MELTF: variants seen among roughly 807,000 people sequenced by gnomAD.
MELTF encodes the protein antigen p97 (melanoma associated) identified by monoclonal antibodies 133.2 and 96.5.
A neutral mutation model predicts 83.7 loss-of-function variants in MELTF; 67 were observed. That is an observed-to-expected ratio of 0.80 (90% CI 0.66 to 0.98). The LOEUF (loss-of-function observed/expected upper bound fraction) is 0.98, where lower values mean the gene tolerates loss of function less well. MELTF is among the 50% of genes least tolerant of loss of function. The probability of loss-of-function intolerance (pLI) is 0.00; values close to 1 mark genes in which losing one functional copy is unlikely to be tolerated. For missense variants in MELTF, 1,002 were observed against 1,035.6 expected (o/e 0.97, Z 0.44); for synonymous variants, 462 against 447.6 (o/e 1.03, Z -0.41).
chr3:197,013,802 AT>A lies in MELTF; in HGVS notation c.1233+1562del, dbSNP rs536123119. Among the ~76,000 whole-genome samples the A allele has an allele frequency of 9.8e-5, 15 of 152,368 alleles. 1 individual carries two copies. Among genetic ancestry groups the A allele is most frequent in the African/African-American group, 3.6e-4 (15 of 41,586 alleles). ...ATGCAAATCAAAGCCACAGTGAGGT[AT>A]CAGCTCACCCCAGTTAGGGTGGCTG... On this transcript the variant is annotated intron_variant, in intron 9 of 15. Transcript: ENST00000296350.
intron 6 of MELTF, among the ~76,000 whole-genome samples, chr3:197,017,638 G>A (rs950278079): frequency 1.3e-5 from 2 of 152,246 alleles, no homozygotes; most frequent in Admixed American, 6.5e-5. Flanking sequence ...AGCACTTTGG[G>A]AGGCCGAGGT....
chr3:197,004,293 C>T, intron 14 of MELTF, 194 bp from the exon 15 acceptor site: 2 of 617,286 alleles, frequency 3.2e-6, no homozygotes, highest in Non-Finnish European at 5.7e-6. Flanking sequence ...TGTGGGGACA[C>T]TAGGCCCGCA....
intron 3 of MELTF, chr3:197,025,620 C>T (rs1719821708): frequency 6.6e-6 from 1 of 152,304 alleles, no homozygotes; most frequent in African/African-American, 2.4e-5. Context: ...TGCTTATGAC[C>T]AGCGGGTAGC....
rs377676889 is a variant in MELTF at position 197,004,110 on chromosome 3, C to T, written c.1939-11G>A. ...GTCTCCAAACAGGTCCTGGAAGCAC[C>T]GCAGGCAGACGACCTGCTCCTCACT... On this transcript the variant is annotated splice_polypyrimidine_tract_variant and intron_variant, in intron 14 of 15. Transcript: ENST00000296350. 6.8e-6 allele frequency: 11 copies of T among 1,613,750 alleles called. No individual in the cohort carries two copies. Among genetic ancestry groups the T allele is most frequent in the South Asian group, 2.2e-5 (2 of 91,072 alleles).
rs570120310 is a variant in MELTF, at chr3:197,015,881, A to G, written c.1081+308T>C. Among the ~76,000 whole-genome samples the G allele has an allele frequency of 3.1e-4, 47 of 152,232 alleles. No individual in the cohort carries two copies. In the Middle Eastern group the frequency reaches 0.01, roughly 33 times the overall value. On this transcript the variant is annotated intron_variant, in intron 8 of 15. Transcript: ENST00000296350. ...GGTAGAGGCGGGGAGTAGGAGCGAG[A>G]GGCTGTAGAAGAGCTGACAGGATGC... is the stretch of plus-strand genomic sequence containing the variant.
intron 5 of MELTF, 52 bp from the exon 6 acceptor site, chr3:197,021,523 A>G (rs766605267): frequency 1.8e-5 from 28 of 1,559,776 alleles, no homozygotes; most frequent in Non-Finnish European, 2.3e-5. Flanking sequence ...GCCCCTGCCC[A>G]TCTTCCACCT....
At chr3:197,012,927 G>A (rs1719239159) in intron 9 of MELTF, among the ~76,000 whole-genome samples, 1 of 152,202 alleles carries the variant, frequency 6.6e-6, no homozygotes, top group Non-Finnish European at 1.5e-5. Flanking sequence ...GTATATAAAG[G>A]ACATACATTT....
Position 197,029,475 on chromosome 3 carries a change from G to GC in MELTF, c.49+178_49+179insG, listed in dbSNP as rs1719998680. 6.6e-6 allele frequency among the ~76,000 whole-genome samples: 1 copy of GC among 152,080 alleles called. No homozygotes were observed. The highest frequency in any genetic ancestry group is 6.5e-5 in the Admixed American group (1 of 15,278). ...TCCAAGAAGCCTTCCAGACTTCCCC[G>GC]TCTGCGCTTCAGTGCTAGTTCCCTC... On this transcript the variant is annotated intron_variant, in intron 1 of 15. Coordinates refer to ENST00000296350, the MANE Select transcript of MELTF (RefSeq NM_005929.6). This position sits in a 1 kb window ranked among gnomAD's most constrained non-coding sequence, Gnocchi z 6.5.
chr3:197,008,962 A>T lies in MELTF; in HGVS notation c.1529T>A (p.Val510Glu). 5 of 1,613,824 alleles carry T rather than the reference A, an allele frequency of 3.1e-6. No homozygotes were observed. Among genetic ancestry groups the T allele is most frequent in the Middle Eastern group, 1.7e-4 (1 of 6,050 alleles). ...GCAGCTGGCATTGAAGAACTCGCTCACTGCTGGGGTGGAGGGAAGGGCAAT... is the reference window on the plus strand; with the variant it reads ...GCAGCTGGCATTGAAGAACTCGCTCTCTGCTGGGGTGGAGGGAAGGGCAAT... ...RPKDCDVLTA[V>E]SEFFNASCVP... is the part of the protein sequence containing the mutation. The change falls in exon 12 of 16, where the codon GTG becomes GAG. Residue 510 changes from valine to glutamate, a missense_variant. Transcript: ENST00000296350. This position sits in a 1 kb window ranked among gnomAD's most constrained non-coding sequence, Gnocchi z 5.4.
chr3:197,003,727 CCCT>C lies in MELTF; in HGVS notation c.2137+171_2137+173del. 1 of 737,398 alleles carries C rather than the reference CCCT, an allele frequency of 1.4e-6. No individual in the cohort carries two copies. Among genetic ancestry groups the C allele is most frequent in the Non-Finnish European group, 2.2e-6 (1 of 461,716 alleles). The allele number at this position is 737,398 out of a possible 1,614,324, so 45.7% of individuals were successfully genotyped here. A position where few individuals can be genotyped will look rare whatever the true frequency, so the allele number is the denominator to read the frequency against. On this transcript the variant is annotated intron_variant, in intron 15 of 15. Coordinates refer to ENST00000296350, the MANE Select transcript of MELTF (RefSeq NM_005929.6). This position sits in a 1 kb window ranked among gnomAD's most constrained non-coding sequence, Gnocchi z 6.2. ...GTCTGGGAGACCCGCCGGGCTCCCG[CCCT>C]CCCGGCCCGCAGCCTCCTGGCCAAA... is the stretch of plus-strand genomic sequence containing the variant.
rs781435589 is a variant in MELTF at position 197,022,943 on chromosome 3, C to T, written c.644+14G>A. Reference sequence around the variant, plus strand: ...TCCCTGCCCTCGGCCCCTCCCTGCCCCCACTCCGCTCACCGGAAGGCCCCG... The same window carrying T: ...TCCCTGCCCTCGGCCCCTCCCTGCCTCCACTCCGCTCACCGGAAGGCCCCG... On this transcript the variant is annotated intron_variant, in intron 5 of 15. Coordinates refer to ENST00000296350, the MANE Select transcript of MELTF (RefSeq NM_005929.6). This position sits in a 1 kb window ranked among gnomAD's most constrained non-coding sequence, Gnocchi z 5.1. The T allele has an allele frequency of 1.2e-6, 2 of 1,600,338 alleles. No individual in the cohort carries two copies. The highest frequency in any genetic ancestry group is 2.2e-5 in the East Asian group (1 of 44,660).
intron 11 of MELTF, 102 bp downstream of exon 11, chr3:197,009,516 C>T: frequency 1.6e-6 from 2 of 1,215,344 alleles, no homozygotes; most frequent in East Asian, 2.5e-5. Context: ...ATGCAGAAGC[C>T]TGGCCACCTT....
Position 197,003,276 on chromosome 3 carries a change from GC to G in MELTF, c.*95del. The G allele has an allele frequency of 9.7e-7, 1 of 1,034,882 alleles. No individual in the cohort carries two copies. The highest frequency in any genetic ancestry group is 1.2e-6 in the Non-Finnish European group (1 of 864,014). The allele number at this position is 1,034,882 out of a possible 1,614,324, so 64.1% of individuals were successfully genotyped here. A position where few individuals can be genotyped will look rare whatever the true frequency, so the allele number is the denominator to read the frequency against. On this transcript the variant is annotated 3_prime_UTR_variant, in exon 16 of 16. Coordinates refer to ENST00000296350, the MANE Select transcript of MELTF (RefSeq NM_005929.6). The surrounding 1 kb of genome is among the most constrained non-coding windows in gnomAD (Gnocchi z 6.2). Reference sequence around the variant, plus strand: ...AGGCGCCTGCTCCCGCCCACGCCGGGCCCGGCCTTCGCGAGCTTCCTTCTGG... The same window carrying G: ...AGGCGCCTGCTCCCGCCCACGCCGGGCCGGCCTTCGCGAGCTTCCTTCTGG...
chr3:197,023,556 G>A (rs556472339), intron 4 of MELTF, among the ~76,000 whole-genome samples: 4 of 152,324 alleles, frequency 2.6e-5, no homozygotes, highest in Non-Finnish European at 5.9e-5. Context: ...CACGGGGGAC[G>A]AGGTCAGGGT....
Position 197,017,260 on chromosome 3 carries a change from A to T in MELTF, c.743T>A (p.Leu248Gln). 1 of 1,577,326 alleles carries T rather than the reference A, an allele frequency of 6.3e-7. No homozygotes were observed. The highest frequency in any genetic ancestry group is 8.6e-7 in the Non-Finnish European group (1 of 1,162,126). Reference sequence around the variant, plus strand: ...CAGCAGCTCGAAGTCCTGTGACAGCAGGGCCTGGCCCCAGGAGGGAAGCGT... The same window carrying T: ...CAGCAGCTCGAAGTCCTGTGACAGCTGGGCCTGGCCCCAGGAGGGAAGCGT... Reference protein sequence around the residue: ...GKTLPSWGQALLSQDFELLCR... With the variant: ...GKTLPSWGQAQLSQDFELLCR... Residue 248 changes from leucine (L) to glutamine (Q), a missense_variant, in exon 7 of 16, where the codon CTG (leucine) becomes CAG (glutamine). By Grantham distance (113) the Leu-to-Gln change is moderately radical. Transcript: ENST00000296350.
chr3:197,010,050 C>T (rs1476853903), intron 10 of MELTF, among the ~76,000 whole-genome samples: 1 of 152,236 alleles, frequency 6.6e-6, no homozygotes, highest in African/African-American at 2.4e-5. Context: ...TTCCTCTGGC[C>T]CCAGCAGTCC....
At position 197,023,078 on chromosome 3, in the gene MELTF, C is replaced by T. The variant is rs1719693535; in HGVS notation, c.523G>A (p.Gly175Arg). Reference protein sequence around the residue: ...SDYFGGSCVPGAGETSYSESL... With the variant: ...SDYFGGSCVPRAGETSYSESL... ...TCAGAGTAACTGGTCTCTCCTGCCC[C>T]CGGGACGCAGCTGCCCCCAAAATAG... Residue 175 changes from glycine (G) to arginine (R), a missense_variant, in exon 5 of 16, where the codon GGG (glycine) becomes AGG (arginine). Physicochemically the swap from Gly to Arg is moderately radical, Grantham distance 125. Transcript: ENST00000296350. 6.2e-7 allele frequency: 1 copy of T among 1,613,722 alleles called. No individual in the cohort carries two copies. The highest frequency in any genetic ancestry group is 1.7e-5 in the Admixed American group (1 of 59,986).
chr3:197,015,453 A>G lies in MELTF; in HGVS notation c.1145T>C (p.Met382Thr). The G allele has an allele frequency of 6.2e-7, 1 of 1,609,388 alleles. No homozygotes were observed. Among genetic ancestry groups the G allele is most frequent in the Non-Finnish European group, 8.5e-7 (1 of 1,178,314 alleles). ...STPEIQKCGD[M>T]AVAFRRQRLK... Reference sequence around the variant, plus strand: ...CCGCTGCCGGCGGAAGGCCACGGCCATGTCTCCACACTTCTGGATCTCGGG... The same window carrying G: ...CCGCTGCCGGCGGAAGGCCACGGCCGTGTCTCCACACTTCTGGATCTCGGG... Residue 382 changes from methionine (M) to threonine (T), a missense_variant, in exon 9 of 16, where the codon ATG becomes ACG. Transcript: ENST00000296350.
At chr3:197,025,174 C>G (rs952163543) in intron 3 of MELTF, among the ~76,000 whole-genome samples, 1 of 152,224 alleles carries the variant, frequency 6.6e-6, no homozygotes, top group Non-Finnish European at 1.5e-5. Flanking sequence ...GAACTGATGC[C>G]CAGAGGGTCT....
Sources: gnomAD v4.1 joint callset for allele counts (sites outside exome capture counted in the v4.1 genomes callset) on GRCh38, gnomAD v4.1.1 for gene constraint, Gnocchi (gnomAD v3.1) non-coding constraint, MANE v1.5 for transcripts, NCBI Gene and HGNC (gene_info 2026-07-23, HGNC 2026-07-21) for gene names.